Variants in PARD3B observed in about 807,000 individuals in gnomAD.
The protein encoded by PARD3B is partitioning defective 3 homolog B.
Under a neutral mutation model 130.2 loss-of-function variants are expected in PARD3B, and 103 were observed. That is an observed-to-expected ratio of 0.79 (90% CI 0.67 to 0.93). The LOEUF is 0.93. PARD3B is among the 40% of genes least tolerant of loss of function. The pLI, the probability that PARD3B is intolerant of heterozygous loss-of-function variation, is 0.00. For missense variants in PARD3B, 1,609 were observed against 1,499.2 expected, an observed-to-expected ratio of 1.07 and a Z score of -1.21; for synonymous variants, 583 against 553.2, an observed-to-expected ratio of 1.05 and a Z score of -0.76.
intron 21 of PARD3B, among the ~76,000 whole-genome samples, chr2:205,508,684 T>A (rs1396217033): frequency 6.6e-6 from 1 of 152,110 alleles, no homozygotes; most frequent in Admixed American, 6.6e-5. Context: ...TCTATCCCAA[T>A]GGTTCCCTCC....
At chr2:205,086,313 G>A (rs150460324) in intron 4 of PARD3B, among the ~76,000 whole-genome samples, 172 of 152,276 alleles carry the variant, frequency 1.1e-3, no homozygotes, top group African/African-American at 3.9e-3. Flanking sequence ...GCCATATAGT[G>A]CAGACATATT....
At chr2:205,037,590 C>T (rs1278089404) in intron 3 of PARD3B, among the ~76,000 whole-genome samples, 2 of 146,202 alleles carry the variant, frequency 1.4e-5, no homozygotes, top group African/African-American at 2.5e-5. Context: ...TATGTACAGT[C>T]GACTATATAT....
intron 2 of PARD3B, among the ~76,000 whole-genome samples, chr2:204,794,777 T>C (rs2042313780): frequency 6.6e-6 from 1 of 152,202 alleles, no homozygotes; most frequent in Admixed American, 6.5e-5. Flanking sequence ...CTCTCCTGAG[T>C]TGGTACAAGC....
intron 21 of PARD3B, among the ~76,000 whole-genome samples, chr2:205,519,593 A>C (rs2050947996): frequency 6.6e-6 from 1 of 150,640 alleles, no homozygotes; most frequent in African/African-American, 2.4e-5. Context: ...TAGCCAATTC[A>C]ACCTGGTTAA....
intron 15 of PARD3B, among the ~76,000 whole-genome samples, chr2:205,232,283 C>T (rs769235071): frequency 2.0e-5 from 3 of 152,062 alleles, no homozygotes; most frequent in Non-Finnish European, 4.4e-5. Flanking sequence ...AACCCCTACG[C>T]ACACACACAG....
intron 1 of PARD3B, among the ~76,000 whole-genome samples, chr2:204,548,487 G>A (rs1411477220): frequency 2.6e-5 from 4 of 152,124 alleles, no homozygotes; most frequent in East Asian, 1.9e-4. Flanking sequence ...CAAGTAAGTC[G>A]TAGATTTGGG....
At chr2:205,198,314 T>C (rs2036803734) in intron 15 of PARD3B, among the ~76,000 whole-genome samples, 1 of 152,184 alleles carries the variant, frequency 6.6e-6, no homozygotes, top group Non-Finnish European at 1.5e-5. Context: ...CTTAAAGTGA[T>C]GCATGAGGCA....
intron 21 of PARD3B, among the ~76,000 whole-genome samples, chr2:205,521,185 T>TA (rs2051033796): frequency 6.6e-6 from 1 of 151,948 alleles, no homozygotes; most frequent in African/African-American, 2.4e-5. Context: ...AGTGTTTGTA[T>TA]TTTTCCTAGT....
chr2:205,306,752 CT>C (rs1301192773), intron 18 of PARD3B, among the ~76,000 whole-genome samples: 1 of 152,138 alleles, frequency 6.6e-6, no homozygotes, highest in Non-Finnish European at 1.5e-5. Flanking sequence ...TTTCCATAGC[CT>C]TTTGCATCTG....
At chr2:205,032,120 G>A (rs1438440977) in intron 3 of PARD3B, among the ~76,000 whole-genome samples, 2 of 152,056 alleles carry the variant, frequency 1.3e-5, no homozygotes, top group African/African-American at 4.8e-5. Flanking sequence ...TGTACCTGTG[G>A]CCTTTGGATT....
intron 2 of PARD3B, among the ~76,000 whole-genome samples, chr2:204,720,276 G>C (rs1417447173): frequency 6.6e-6 from 1 of 152,188 alleles, no homozygotes; most frequent in Non-Finnish European, 1.5e-5. Flanking sequence ...CTGTTGCCAC[G>C]TGAGAATCCT....
At chr2:204,837,734 G>C (rs1461763119) in intron 2 of PARD3B, among the ~76,000 whole-genome samples, 1 of 152,050 alleles carries the variant, frequency 6.6e-6, no homozygotes, top group Non-Finnish European at 1.5e-5. Context: ...ACCCTAGTTG[G>C]GCAGCTCTAA....
At chr2:204,883,431 T>A (rs867617095) in intron 2 of PARD3B, among the ~76,000 whole-genome samples, 3 of 111,044 alleles carry the variant, frequency 2.7e-5, no homozygotes, top group East Asian at 2.4e-4. Flanking sequence ...TATATATATA[T>A]AAAATATATA....
At chr2:204,865,113 A>G (rs2045356090) in intron 2 of PARD3B, among the ~76,000 whole-genome samples, 1 of 150,884 alleles carries the variant, frequency 6.6e-6, no homozygotes, top group Admixed American at 6.7e-5. Context: ...CGGCCATAAT[A>G]AAAAAAAATA....
rs2033206738 is a variant in PARD3B, at chr2:204,594,545, AGCCAGACTGTATCCAT to A, written c.120+48431_120+48446del. Among the ~76,000 whole-genome samples the A allele has an allele frequency of 4.6e-5, 7 of 152,326 alleles. No homozygotes were observed. The South Asian group carries it at 1.4e-3, about 32-fold the overall frequency. On this transcript the variant is annotated intron_variant, in intron 1 of 22. Transcript: ENST00000406610. Reference sequence around the variant, plus strand: ...AGATCAAACGTCTAGAAAACAGTGGAGCCAGACTGTATCCATGCCATGAAACTCCAGCATTCTTATT... The same window carrying A: ...AGATCAAACGTCTAGAAAACAGTGGAGCCATGAAACTCCAGCATTCTTATT...
chr2:204,918,913 C>G (rs1486846606), intron 2 of PARD3B, among the ~76,000 whole-genome samples: 1 of 151,528 alleles, frequency 6.6e-6, no homozygotes, highest in Non-Finnish European at 1.5e-5. Flanking sequence ...TGTGAATCAC[C>G]ATCCTTGGTC....
At chr2:204,643,113 C>CAAAAAAAAAAA (rs1252171157) in intron 1 of PARD3B, among the ~76,000 whole-genome samples, 10 of 4,300 alleles carry the variant, frequency 2.3e-3, no homozygotes, top group African/African-American at 4.2e-3. Context: ...GACTCTGTCT[C>CAAAAAAAAAAA]ACAAAAAAAA....
At chr2:205,113,890 A>G (rs1371029779) in intron 6 of PARD3B, among the ~76,000 whole-genome samples, 1 of 152,132 alleles carries the variant, frequency 6.6e-6, no homozygotes, top group Admixed American at 6.6e-5. Flanking sequence ...TTGTTAGACA[A>G]ATGTTGCAAC....
intron 2 of PARD3B, among the ~76,000 whole-genome samples, chr2:204,701,515 G>A (rs1420076193): frequency 2.0e-5 from 3 of 152,036 alleles, no homozygotes; most frequent in Non-Finnish European, 4.4e-5. Flanking sequence ...CTTTTAAAAT[G>A]TATGTACCTT....
Sources: gnomAD v4.1 joint callset for allele counts (sites outside exome capture counted in the v4.1 genomes callset) on GRCh38, gnomAD v4.1.1 for gene constraint, MANE v1.5 for transcripts, NCBI Gene and HGNC (gene_info 2026-07-23, HGNC 2026-07-21) for gene names.